GRID2: variants seen among roughly 807,000 people sequenced by gnomAD.
The protein encoded by GRID2 is glutamate ionotropic receptor delta type subunit 2.
Under a neutral mutation model 114.8 loss-of-function variants are expected in GRID2, and 33 were observed. That is an observed-to-expected ratio of 0.29 (90% CI 0.22 to 0.38). The LOEUF is 0.38. Ranked by LOEUF, GRID2 falls within the 10% of genes least tolerant of loss-of-function variation. GRID2 has a pLI of 1.00. For missense variants in GRID2, 1,184 were observed against 1,257.7 expected, an observed-to-expected ratio of 0.94 and a Z score of 0.89; for synonymous variants, 505 against 449.9, an observed-to-expected ratio of 1.12 and a Z score of -1.55.
chr4:93,746,066 A>T (rs1049596247), intron 14 of GRID2, among the ~76,000 whole-genome samples: 1 of 152,140 alleles, frequency 6.6e-6, no homozygotes, highest in South Asian at 2.1e-4. Context: ...AAAGGACCAA[A>T]AATTGTCCTT....
At chr4:92,629,890 TATA>T (rs1730712446) in intron 2 of GRID2, among the ~76,000 whole-genome samples, 2 of 147,662 alleles carry the variant, frequency 1.4e-5, no homozygotes, top group African/African-American at 4.9e-5. Flanking sequence ...AATTATATTA[TATA>T]ATACATATTT....
intron 8 of GRID2, among the ~76,000 whole-genome samples, chr4:93,292,989 A>C (rs1325987747): frequency 6.6e-6 from 1 of 152,130 alleles, no homozygotes; most frequent in Non-Finnish European, 1.5e-5. Context: ...TTAGCTGTGG[A>C]GTGTACTTTA....
chr4:93,728,332 T>C (rs1293510911), intron 14 of GRID2, among the ~76,000 whole-genome samples: 3 of 152,234 alleles, frequency 2.0e-5, no homozygotes. Context: ...CTAGTTTGAT[T>C]GCTCTGTGGT....
rs1295743082 is a variant in GRID2 at position 92,982,037 on chromosome 4, A to AG, written c.245-102958_245-102957insG. 4.4e-5 allele frequency among the ~76,000 whole-genome samples: 5 copies of AG among 112,924 alleles called. No individual in the cohort carries two copies. In the East Asian group the frequency reaches 1.1e-3, roughly 24 times the overall value. 74.1% of individuals were successfully genotyped at this position (112,924 alleles called of 152,430 possible). ...AAAGTACTGGTAAAAAAAAAAAAAA[A>AG]AAAAAAAAGAAAAAGAAAAAAGAAA... On this transcript the variant is annotated intron_variant, in intron 2 of 15. Coordinates refer to ENST00000282020, the MANE Select transcript of GRID2 (RefSeq NM_001510.4).
intron 1 of GRID2, among the ~76,000 whole-genome samples, chr4:92,464,604 C>A (rs1289677929): frequency 1.3e-5 from 2 of 151,948 alleles, no homozygotes; most frequent in South Asian, 2.1e-4. Flanking sequence ...TACATGACTT[C>A]AGTTCAACTC....
In GRID2 at chr4:93,371,481, A is replaced by G. The variant is rs759529678; in HGVS notation, c.1246-24126A>G. On this transcript the variant is annotated intron_variant, in intron 8 of 15. Coordinates refer to ENST00000282020, the MANE Select transcript of GRID2 (RefSeq NM_001510.4). ...GGGAAAGAGTGAAGCCTTTTACTCA[A>G]TCGTTCCAGAAAATATCTAATGGAT... Among the ~76,000 whole-genome samples the G allele has an allele frequency of 5.3e-5, 8 of 151,852 alleles. No individual in the cohort carries two copies. The East Asian group carries it at 1.2e-3, about 22-fold the overall frequency.
At chr4:93,783,824 G>A (rs11097386) in intron 1 of GRID2, among the ~76,000 whole-genome samples, 57,985 of 151,430 alleles carry the variant, frequency 0.38, 11,868 homozygotes, top group East Asian at 0.76. Flanking sequence ...TGTAATCCCA[G>A]CACTTTGGGA....
At position 92,970,286 on chromosome 4, in the gene GRID2, T is replaced by A. The variant is rs532967158; in HGVS notation, c.245-114709T>A. On this transcript the variant is annotated intron_variant, in intron 2 of 15. Coordinates refer to ENST00000282020, the MANE Select transcript of GRID2 (RefSeq NM_001510.4). Reference sequence around the variant, plus strand: ...GTTTGTACTTAATTGAAGTAAGTGGTCCCATTCAAAATCTTTCTTTATTCA... The same window carrying A: ...GTTTGTACTTAATTGAAGTAAGTGGACCCATTCAAAATCTTTCTTTATTCA... 9.3e-4 allele frequency among the ~76,000 whole-genome samples: 142 copies of A among 151,986 alleles called. 1 individual carries two copies. The highest frequency in any genetic ancestry group is 1.4e-3 in the Non-Finnish European group (93 of 67,866).
At chr4:93,301,555 A>C (rs1754869581) in intron 8 of GRID2, among the ~76,000 whole-genome samples, 1 of 152,138 alleles carries the variant, frequency 6.6e-6, no homozygotes, top group Non-Finnish European at 1.5e-5. Context: ...TAATGATGAT[A>C]ATATCAAAAA....
intron 1 of GRID2, among the ~76,000 whole-genome samples, chr4:92,522,151 TC>T (rs1004660540): frequency 1.1e-4 from 16 of 151,700 alleles, no homozygotes; most frequent in South Asian, 2.1e-4. Context: ...ATGAGCGAAT[TC>T]CTGAAGAAGA....
At chr4:93,537,543 G>A (rs1732217993) in intron 13 of GRID2, among the ~76,000 whole-genome samples, 1 of 151,770 alleles carries the variant, frequency 6.6e-6, no homozygotes, top group African/African-American at 2.4e-5. Flanking sequence ...ACTATTTTCA[G>A]AATTAAATCT....
chr4:92,473,833 T>C (rs1482726690), intron 1 of GRID2, among the ~76,000 whole-genome samples: 1 of 152,134 alleles, frequency 6.6e-6, no homozygotes, highest in Non-Finnish European at 1.5e-5. Context: ...TTCAGCTTTA[T>C]TGATGTATGA....
At chr4:93,304,881 T>C (rs1755259878) in intron 8 of GRID2, among the ~76,000 whole-genome samples, 3 of 152,160 alleles carry the variant, frequency 2.0e-5, no homozygotes, top group African/African-American at 7.2e-5. Context: ...TGCAATTTGA[T>C]GTGTGAATAA....
chr4:92,590,184 G>A lies in GRID2; in HGVS notation c.142G>A (p.Val48Ile), dbSNP rs1681916093. 1.2e-6 allele frequency: 2 copies of A among 1,611,956 alleles called. No individual in the cohort carries two copies. The highest frequency in any genetic ancestry group is 1.3e-5 in the African/African-American group (1 of 74,862). The change falls in exon 2 of 16, where the codon GTT becomes ATT. Residue 48 changes from valine (V) to isoleucine (I), a missense_variant. Physicochemically the swap from Val to Ile is conservative, Grantham distance 29. This residue lies in a region of GRID2 where 455 missense variants were observed against 429.5 expected (regional missense o/e 1.06). Transcript: ENST00000282020. ...GGATGATGAGGTATTTCGCACTGCG[G>A]TTGGTGACCTTAACCAGAATGAGGA... Reference protein sequence around the residue: ...KKDDEVFRTAVGDLNQNEEIL... With the variant: ...KKDDEVFRTAIGDLNQNEEIL...
intron 2 of GRID2, among the ~76,000 whole-genome samples, chr4:92,900,866 C>G (rs900541227): frequency 2.0e-5 from 3 of 148,140 alleles, no homozygotes; most frequent in African/African-American, 7.5e-5. Context: ...AAAGATAATG[C>G]CTTACAGTTT....
intron 2 of GRID2, among the ~76,000 whole-genome samples, chr4:92,773,438 C>A (rs948620716): frequency 6.6e-6 from 1 of 152,172 alleles, no homozygotes; most frequent in African/African-American, 2.4e-5. Flanking sequence ...AGAAAAGAAG[C>A]AACAATGATA....
intron 1 of GRID2, among the ~76,000 whole-genome samples, chr4:92,387,324 C>A (rs1420248053): frequency 1.3e-5 from 2 of 151,848 alleles, no homozygotes; most frequent in African/African-American, 2.4e-5. Flanking sequence ...ATTTCACATA[C>A]TTTTTATTGT....
At chr4:92,561,004 G>A (rs553449515) in intron 1 of GRID2, among the ~76,000 whole-genome samples, 6 of 152,134 alleles carry the variant, frequency 3.9e-5, no homozygotes, top group East Asian at 1.9e-4. Flanking sequence ...CAAGGCACCC[G>A]GCCGCTTTCT....
chr4:93,680,457 C>G (rs922458038), intron 14 of GRID2, among the ~76,000 whole-genome samples: 1 of 151,520 alleles, frequency 6.6e-6, no homozygotes, highest in African/African-American at 2.4e-5. Context: ...ATACCAAAGC[C>G]TGGCAGAGAC....
Sources: allele counts gnomAD v4.1 joint callset (sites outside exome capture counted in the v4.1 genomes callset), GRCh38; gene constraint gnomAD v4.1.1; regional missense constraint gnomAD v4.1.1; transcripts MANE v1.5; gene names NCBI Gene and HGNC (gene_info 2026-07-23, HGNC 2026-07-21).